GNG2: variants seen among roughly 807,000 people sequenced by gnomAD.
GNG2 encodes guanine nucleotide-binding protein G(I)/G(S)/G(O) subunit gamma-2.
In GNG2, 5 loss-of-function variants were observed where a neutral mutation model predicts 5.5. That is an observed-to-expected ratio of 0.91 (90% CI 0.48 to 1.92). GNG2 has a LOEUF of 1.92. Among genes scored for constraint, GNG2 ranks in the 30% most tolerant of loss-of-function variants. The pLI is 0.01. For synonymous variants in GNG2, 28 were observed against 32.0 expected (o/e 0.88, Z 0.42); for missense variants, 55 against 88.4 (o/e 0.62, Z 1.52).
chr14:51,853,007 TC>T lies in GNG2; in HGVS notation c.64+25206del, dbSNP rs1328621014. Among the ~76,000 whole-genome samples, 5 of 152,316 alleles carry T rather than the reference TC, an allele frequency of 3.3e-5. No homozygotes were observed. In the East Asian group the frequency reaches 9.6e-4, roughly 29 times the overall value. On this transcript the variant is annotated intron_variant, in intron 2 of 3. Transcript: ENST00000553432. The stretch of plus-strand genomic sequence containing the variant: ...CCTTTTCCAAAATCACTATCACATT[TC>T]CCCCCTTGCTACATCCTCTTCTCAT...
chr14:51,892,105 T>C (rs35727674), intron 2 of GNG2, among the ~76,000 whole-genome samples: 2 of 86,412 alleles, frequency 2.3e-5, no homozygotes, highest in African/African-American at 5.7e-5. Flanking sequence ...GTTCTCTGAA[T>C]TTTAATTTTT....
intron 2 of GNG2, among the ~76,000 whole-genome samples, chr14:51,831,672 G>A (rs538748542): frequency 9.2e-5 from 14 of 152,322 alleles, no homozygotes; most frequent in African/African-American, 2.9e-4. Flanking sequence ...CTCATGGTCT[G>A]TAAGGAAGTG....
At chr14:51,887,894 A>C (rs1223882802) in intron 2 of GNG2, among the ~76,000 whole-genome samples, 1 of 152,256 alleles carries the variant, frequency 6.6e-6, no homozygotes, top group South Asian at 2.1e-4. Flanking sequence ...GAAAACAACC[A>C]TATGGAAGTA....
intron 2 of GNG2, among the ~76,000 whole-genome samples, chr14:51,854,635 C>T (rs926486859): frequency 7.9e-5 from 12 of 152,072 alleles, no homozygotes; most frequent in Admixed American, 2.0e-4. Context: ...CTCAGCTCCC[C>T]CCGAGTAGCT....
chr14:51,942,589 C>CTTTCTTTCTTTCTTTTTTTTT (rs761049973), intron 2 of GNG2, among the ~76,000 whole-genome samples: 2 of 81,144 alleles, frequency 2.5e-5, no homozygotes, highest in African/African-American at 5.9e-5. Flanking sequence ...TTCTTTCTTT[C>CTTTCTTTCTTTCTTTTTTTTT]TTTTTTTTTT....
At chr14:51,882,060 T>A (rs1218149096) in intron 2 of GNG2, among the ~76,000 whole-genome samples, 1 of 152,180 alleles carries the variant, frequency 6.6e-6, no homozygotes, top group African/African-American at 2.4e-5. Context: ...TGCTGTAATT[T>A]AAACTTAGGT....
chr14:51,952,012 T>C (rs1312407387), intron 3 of GNG2: 2 of 648,658 alleles, frequency 3.1e-6, no homozygotes, highest in Non-Finnish European at 5.5e-6. Context: ...TAGAATCTCC[T>C]GGGGTATGAT....
chr14:51,933,330 G>A (rs1887771137), intron 2 of GNG2, among the ~76,000 whole-genome samples: 2 of 152,276 alleles, frequency 1.3e-5, no homozygotes, highest in Admixed American at 6.5e-5. Flanking sequence ...GTCGTTGCAG[G>A]AAAGGCGCTG....
At chr14:51,826,405 G>T (rs1046556562) in intron 1 of GNG2, among the ~76,000 whole-genome samples, 1 of 152,128 alleles carries the variant, frequency 6.6e-6, no homozygotes, top group Admixed American at 6.5e-5. Flanking sequence ...ATTTAAAGTC[G>T]TTGGAGGATG....
At position 51,966,866 on chromosome 14, in the gene GNG2, A is replaced by G. The variant is rs1889949046; in HGVS notation, c.*179A>G. 9 of 490,474 alleles carry G rather than the reference A, an allele frequency of 1.8e-5. No individual in the cohort carries two copies. The South Asian group carries it at 2.6e-4, about 14-fold the overall frequency. The allele number at this position is 490,474 out of a possible 1,614,324, so 30.4% of individuals were successfully genotyped here. On this transcript the variant is annotated 3_prime_UTR_variant, in exon 4 of 4. Coordinates refer to ENST00000556766, the MANE Select transcript of GNG2 (RefSeq NM_053064.5). ...CCTTTATGAGAATGCAAGCCGATCC[A>G]CATCCTGACTTAAGAGATCTGATTC...
rs568319796 is a variant in GNG2 at position 51,948,584 on chromosome 14, A to T, written c.-29-2066A>T. Among the ~76,000 whole-genome samples, 38 of 152,314 alleles carry T rather than the reference A, an allele frequency of 2.5e-4. No homozygotes were observed. The South Asian group carries it at 7.9e-3, about 32-fold the overall frequency. On this transcript the variant is annotated intron_variant, in intron 2 of 3. Coordinates refer to ENST00000556766, the MANE Select transcript of GNG2 (RefSeq NM_053064.5). ...TATCTTGGCCCTATGAAGTCTTCCTAGGCTGTTAGATGTTTGTTTAATTGT... is the reference window on the plus strand; with the variant it reads ...TATCTTGGCCCTATGAAGTCTTCCTTGGCTGTTAGATGTTTGTTTAATTGT...
At chr14:51,838,959 C>T (rs992629187) in intron 2 of GNG2, among the ~76,000 whole-genome samples, 1 of 152,138 alleles carries the variant, frequency 6.6e-6, no homozygotes, top group African/African-American at 2.4e-5. Flanking sequence ...ATAGTATGTA[C>T]ACCCCATGGA....
At chr14:51,867,661 C>T (rs565837944) in intron 1 of GNG2, among the ~76,000 whole-genome samples, 91 of 152,290 alleles carry the variant, frequency 6.0e-4, no homozygotes, top group African/African-American at 1.9e-3. Context: ...CTTTTCTCTC[C>T]GCCTAGGATA....
intron 1 of GNG2, among the ~76,000 whole-genome samples, chr14:51,866,886 G>C (rs1882932460): frequency 6.6e-6 from 1 of 152,192 alleles, no homozygotes; most frequent in African/African-American, 2.4e-5. Context: ...TTCCTCCTAA[G>C]TCAAATTAAC....
At chr14:51,848,386 C>T (rs1881736961) in intron 2 of GNG2, among the ~76,000 whole-genome samples, 1 of 152,124 alleles carries the variant, frequency 6.6e-6, no homozygotes, top group Admixed American at 6.5e-5. Context: ...CAACCGTGAC[C>T]AACAAAACTC....
chr14:51,832,107 C>T (rs1473542487), intron 2 of GNG2, among the ~76,000 whole-genome samples: 2 of 150,938 alleles, frequency 1.3e-5, no homozygotes, highest in African/African-American at 4.9e-5. Flanking sequence ...TGGCGAGACC[C>T]TGTCTGTACA....
chr14:51,924,410 G>A (rs1297079721), intron 2 of GNG2, among the ~76,000 whole-genome samples: 2 of 152,196 alleles, frequency 1.3e-5, no homozygotes, highest in African/African-American at 4.8e-5. Context: ...TTAGTTAATA[G>A]AGAAGAATGG....
intron 2 of GNG2, among the ~76,000 whole-genome samples, chr14:51,910,417 C>T (rs73295014): frequency 0.017 from 2,653 of 152,182 alleles, 87 homozygotes; most frequent in African/African-American, 0.061. Flanking sequence ...CATAAAGGAC[C>T]GATACATTTT....
At chr14:51,838,027 C>G (rs1006058849) in intron 2 of GNG2, among the ~76,000 whole-genome samples, 2 of 151,826 alleles carry the variant, frequency 1.3e-5, no homozygotes, top group Non-Finnish European at 2.9e-5. Flanking sequence ...ATAATCACCC[C>G]CTCAGGTCTA....
Sources: allele counts gnomAD v4.1 joint callset (sites outside exome capture counted in the v4.1 genomes callset), GRCh38; gene constraint gnomAD v4.1.1; transcripts MANE v1.5; gene names NCBI Gene and HGNC (gene_info 2026-07-23, HGNC 2026-07-21).